KMT2C: variants seen among roughly 807,000 people sequenced by gnomAD.
The protein encoded by KMT2C is histone-lysine N-methyltransferase 2C.
In KMT2C, 88 loss-of-function variants were observed where a neutral mutation model predicts 507.9. The observed-to-expected ratio is 0.17, with a 90% confidence interval of 0.15 to 0.21. KMT2C has a LOEUF of 0.21. KMT2C is among the 10% of genes least tolerant of loss of function. KMT2C has a pLI of 1.00. For synonymous variants in KMT2C, 2,049 were observed against 2,080.8 expected (o/e 0.98, Z 0.42); for missense variants, 4,954 against 5,957.8 (o/e 0.83, Z 5.55).
chr7:152,160,116 T>C (rs1165269079), intron 43 of KMT2C, among the ~76,000 whole-genome samples: 6 of 152,240 alleles, frequency 3.9e-5, no homozygotes, highest in African/African-American at 9.6e-5. Flanking sequence ...ACGGACAAAT[T>C]TGAATTTTGT....
intron 6 of KMT2C, among the ~76,000 whole-genome samples, chr7:152,290,953 G>A (rs2096416821): frequency 6.6e-6 from 1 of 151,830 alleles, no homozygotes; most frequent in African/African-American, 2.4e-5. Context: ...GAAATATGAA[G>A]GGCTAAAAGG....
At chr7:152,392,867 A>G (rs560612313) in intron 1 of KMT2C, among the ~76,000 whole-genome samples, 8 of 148,746 alleles carry the variant, frequency 5.4e-5, no homozygotes, top group East Asian at 3.9e-4. Flanking sequence ...CTTGTTATAT[A>G]ATAAGCCAGT....
chr7:152,180,385 T>A lies in KMT2C; in HGVS notation c.7150-259A>T, dbSNP rs59732042. Among the ~76,000 whole-genome samples the A allele has an allele frequency of 8.3e-3, 1,270 of 152,274 alleles. 20 individuals carry two copies. The highest frequency in any genetic ancestry group is 0.029 in the African/African-American group (1,217 of 41,562). On this transcript the variant is annotated intron_variant, in intron 36 of 58. Coordinates refer to ENST00000262189, the MANE Select transcript of KMT2C (RefSeq NM_170606.3). ...GCTATGGTAATGTTTCAAAGTTTGA[T>A]GAAATACCAGTTACATTTAACTATT...
chr7:152,258,520 CTGTTGTTGTTGT>C (rs890652824), intron 9 of KMT2C, among the ~76,000 whole-genome samples: 2 of 151,572 alleles, frequency 1.3e-5, no homozygotes, highest in East Asian at 1.9e-4. Context: ...GTTGTTGTTG[CTGTTGTTGTTGT>C]TGTTGTTTTT....
At chr7:152,239,372 A>T (rs558455496) in intron 14 of KMT2C, among the ~76,000 whole-genome samples, 97 of 152,344 alleles carry the variant, frequency 6.4e-4, no homozygotes, top group African/African-American at 2.2e-3. Flanking sequence ...TAACATTAAA[A>T]TGCAAATACC....
At chr7:152,375,496 C>T (rs2097322251) in intron 1 of KMT2C, among the ~76,000 whole-genome samples, 1 of 151,638 alleles carries the variant, frequency 6.6e-6, no homozygotes. Context: ...AGCAATTCTT[C>T]TGCCTCAGTC....
At chr7:152,326,325 G>A (rs920764353) in intron 3 of KMT2C, among the ~76,000 whole-genome samples, 72 of 152,000 alleles carry the variant, frequency 4.7e-4, no homozygotes, top group African/African-American at 1.7e-3. Context: ...GTATTATACT[G>A]CTATTATGTC....
rs2129104717 is a variant in KMT2C, at chr7:152,163,741, G to A, written c.9836C>T (p.Thr3279Ile). The A allele has an allele frequency of 6.2e-7, 1 of 1,614,206 alleles. No individual in the cohort carries two copies. The highest frequency in any genetic ancestry group is 8.5e-7 in the Non-Finnish European group (1 of 1,180,034). Reference sequence around the variant, plus strand: ...CTGGGGCTGGACACTGGGCATCATGGTAGGTGGGGCCATTGCACATTGCTG... The same window carrying A: ...CTGGGGCTGGACACTGGGCATCATGATAGGTGGGGCCATTGCACATTGCTG... ...QQQQCAMAPP[T>I]MMPSVQPQPP... Residue 3279 changes from threonine (T) to isoleucine (I), a missense_variant, in exon 43 of 59, where the codon ACC becomes ATC. Physicochemically the swap from Thr to Ile is moderately conservative, Grantham distance 89 (BLOSUM62 -1). Coordinates refer to ENST00000262189, the MANE Select transcript of KMT2C (RefSeq NM_170606.3).
chr7:152,216,370 A>G (rs1336838625), intron 23 of KMT2C, among the ~76,000 whole-genome samples: 2 of 152,226 alleles, frequency 1.3e-5, no homozygotes, highest in East Asian at 3.8e-4. Flanking sequence ...GAAGAGTTAA[A>G]AATAAATAGA....
At chr7:152,231,423 A>C (rs1588428887) in intron 16 of KMT2C, among the ~76,000 whole-genome samples, 1 of 152,426 alleles carries the variant, frequency 6.6e-6, no homozygotes, top group South Asian at 2.1e-4. Flanking sequence ...GTTGAAACAC[A>C]ACAGGTTATG....
chr7:152,234,421 A>AC (rs1471433455), intron 16 of KMT2C, among the ~76,000 whole-genome samples: 2 of 151,562 alleles, frequency 1.3e-5, no homozygotes, highest in African/African-American at 2.4e-5. Context: ...CACAACAAAA[A>AC]CCCCCCACAA....
intron 1 of KMT2C, among the ~76,000 whole-genome samples, chr7:152,398,203 A>G (rs1213345249): frequency 6.6e-6 from 1 of 152,170 alleles, no homozygotes; most frequent in African/African-American, 2.4e-5. Context: ...CTCACCGTTG[A>G]AATATTGTTC....
chr7:152,252,855 C>A, intron 9 of KMT2C, 140 bp from the exon 10 acceptor site: 3 of 626,334 alleles, frequency 4.8e-6, no homozygotes, highest in Non-Finnish European at 5.3e-6. Flanking sequence ...ATTTAGGGTA[C>A]ATGCTTTTTT....
chr7:152,367,347 A>G (rs2097255698), intron 1 of KMT2C: 1 of 814,914 alleles, frequency 1.2e-6, no homozygotes, highest in East Asian at 2.7e-5. Flanking sequence ...CCTGAAGCAG[A>G]CACCCCAGGG....
intron 3 of KMT2C, among the ~76,000 whole-genome samples, chr7:152,322,112 C>A (rs1271876719): frequency 6.6e-6 from 1 of 150,966 alleles, no homozygotes; most frequent in Non-Finnish European, 1.5e-5. Flanking sequence ...ACTTGTAATG[C>A]CAGCACTTGG....
intron 2 of KMT2C, among the ~76,000 whole-genome samples, chr7:152,352,721 T>C (rs1017381464): frequency 5.9e-5 from 9 of 152,334 alleles, no homozygotes; most frequent in African/African-American, 1.7e-4. Flanking sequence ...TTGTCCCTAA[T>C]ACTATTCTCC....
intron 1 of KMT2C, among the ~76,000 whole-genome samples, chr7:152,399,980 A>G (rs1206911471): frequency 6.6e-6 from 1 of 152,140 alleles, no homozygotes; most frequent in Non-Finnish European, 1.5e-5. Context: ...AAGTCTAATA[A>G]TCCAACTAAA....
In KMT2C at chr7:152,144,751, A is replaced by C. The variant is rs2129092697; in HGVS notation, c.14305T>G (p.Trp4769Gly). Residue 4769 changes from tryptophan to glycine, a missense_variant, in exon 55 of 59, where the codon TGG becomes GGG. Around this residue, in one of 29 missense-constraint regions of KMT2C, gnomAD observed 133 missense variants for 258.9 expected, o/e 0.51. Transcript: ENST00000262189. This position sits in a 1 kb window ranked among gnomAD's most constrained non-coding sequence, Gnocchi z 4.4. ...CGTGCCAGATACACATTGGATTTCC[A>C]TTCAGTTTTCATCTTCCGGTACTGC... is the stretch of plus-strand genomic sequence containing the variant. ...SSQYRKMKTE[W>G]KSNVYLARSR... 2 of 1,614,146 alleles carry C rather than the reference A, an allele frequency of 1.2e-6. No homozygotes were observed. Among genetic ancestry groups the C allele is most frequent in the Non-Finnish European group, 1.7e-6 (2 of 1,180,004 alleles).
At chr7:152,209,203 T>A (rs1292249798) in intron 23 of KMT2C, among the ~76,000 whole-genome samples, 2 of 150,422 alleles carry the variant, frequency 1.3e-5, no homozygotes, top group Admixed American at 6.6e-5. Flanking sequence ...ACGCCTGTAA[T>A]CCCAGCACTT....
Sources: gnomAD v4.1 joint callset for allele counts (sites outside exome capture counted in the v4.1 genomes callset) on GRCh38, gnomAD v4.1.1 for gene constraint, gnomAD v4.1.1 regional missense constraint, Gnocchi (gnomAD v3.1) non-coding constraint, MANE v1.5 for transcripts, NCBI Gene and HGNC (gene_info 2026-07-23, HGNC 2026-07-21) for gene names.